Variants in DUS3L observed in about 807,000 individuals in gnomAD.
DUS3L encodes the protein tRNA-dihydrouridine(47) synthase [NAD(P)(+)]-like.
A neutral mutation model predicts 74.6 loss-of-function variants in DUS3L; 62 were observed. The ratio of observed to expected loss-of-function variants is 0.83; its 90% confidence interval spans 0.68 to 1.03. The LOEUF is 1.03. DUS3L is among the 50% of genes least tolerant of loss of function. The pLI is 0.00. For missense variants in DUS3L, 884 were observed against 924.4 expected, an observed-to-expected ratio of 0.96 and a Z score of 0.57; for synonymous variants, 433 against 395.7, an observed-to-expected ratio of 1.09 and a Z score of -1.12.
intron 1 of DUS3L, 127 bp from the exon 2 acceptor site, chr19:5,790,462 C>A (rs539172537): frequency 1.4e-3 from 1,578 of 1,165,246 alleles, no homozygotes; most frequent in Non-Finnish European, 1.5e-3. Context: ...TAAGAACCAG[C>A]CAGCTCCCAG....
intron 2 of DUS3L, 115 bp downstream of exon 2, chr19:5,789,932 G>A: frequency 7.0e-7 from 1 of 1,429,020 alleles, no homozygotes; most frequent in Non-Finnish European, 9.5e-7. Context: ...TGGCATCAGA[G>A]CAAGCTCACT....
chr19:5,785,829 G>A, intron 10 of DUS3L, 38 bp from the exon 11 acceptor site: 1 of 1,528,044 alleles, frequency 6.5e-7, no homozygotes, highest in Non-Finnish European at 8.8e-7. Context: ...CCAGCCACCA[G>A]CCTGCCTGGG....
chr19:5,788,008 C>G lies in DUS3L; in HGVS notation c.1095+16G>C, dbSNP rs376448715. The stretch of plus-strand genomic sequence containing the variant: ...GAGGGCCCCTCCACTCTCCCTCCCT[C>G]GGGGTGGGCACTGACCTGGACGCCA... On this transcript the variant is annotated intron_variant, in intron 5 of 12. Coordinates refer to ENST00000309061, the MANE Select transcript of DUS3L (RefSeq NM_020175.3). 3 of 1,610,966 alleles carry G rather than the reference C, an allele frequency of 1.9e-6. No individual in the cohort carries two copies. The African/African-American group carries it at 4.0e-5, about 22-fold the overall frequency.
In DUS3L at chr19:5,790,128, C is replaced by T. The variant is rs1456087247; in HGVS notation, c.306G>A (p.Arg102=). 1 of 1,614,022 alleles carries T rather than the reference C, an allele frequency of 6.2e-7. No individual in the cohort carries two copies. Among genetic ancestry groups the T allele is most frequent in the African/African-American group, 1.3e-5 (1 of 74,910 alleles). The change falls in exon 2 of 13, where the codon AGG becomes AGA. Residue 102 remains arginine, a synonymous_variant. Coordinates refer to ENST00000309061, the MANE Select transcript of DUS3L (RefSeq NM_020175.3). ...EPGEQLQTQK[R]ARGQNKGRPH... ...GCCGGCCCTTGTTTTGTCCCCGGGCCCTCTTCTGAGTCTGTAGCTGCTCCC... is the reference window on the plus strand; with the variant it reads ...GCCGGCCCTTGTTTTGTCCCCGGGCTCTCTTCTGAGTCTGTAGCTGCTCCC...
At chr19:5,788,696 T>G (rs987530776) in intron 3 of DUS3L, among the ~76,000 whole-genome samples, 5 of 149,538 alleles carry the variant, frequency 3.3e-5, no homozygotes, top group Admixed American at 2.0e-4. Context: ...ACTTAGAGTG[T>G]GTCCAGCTCT....
intron 5 of DUS3L, 121 bp downstream of exon 5, chr19:5,787,903 C>T: frequency 4.0e-6 from 6 of 1,483,102 alleles, no homozygotes; most frequent in Non-Finnish European, 4.5e-6. Flanking sequence ...CAGGGCATCA[C>T]CCCCACTCCA....
rs930913571 is a variant in DUS3L at position 5,789,630 on chromosome 19, G to A, written c.477C>T (p.Gly159=). 2 of 1,603,644 alleles carry A rather than the reference G, an allele frequency of 1.2e-6. No individual in the cohort carries two copies. The highest frequency in any genetic ancestry group is 1.7e-5 in the Admixed American group (1 of 58,152). ...AGGTCTCGAAGAGCACGCAGCGGGG[G>A]CCCAGGTCGGCCGGCTTGGTCTCCA... ...RYLETKPADL[G]PRCVLFETFG... The change falls in exon 3 of 13, where the codon GGC becomes GGT. Residue 159 remains glycine, a synonymous_variant. Transcript: ENST00000309061.
At chr19:5,788,575 G>A (rs893792840) in intron 3 of DUS3L, among the ~76,000 whole-genome samples, 177 bp from the exon 4 acceptor site, 1 of 152,000 alleles carries the variant, frequency 6.6e-6, no homozygotes, top group East Asian at 1.9e-4. Flanking sequence ...TTTCCTCATC[G>A]TCTCCTCCAC....
At chr19:5,787,998 C>A in intron 5 of DUS3L, 26 bp downstream of exon 5, 1 of 1,609,426 alleles carries the variant, frequency 6.2e-7, no homozygotes. Flanking sequence ...CCCCTCCACT[C>A]TCCCTCCCTC....
In DUS3L at chr19:5,789,463, T is replaced by C. The variant is rs760544411; in HGVS notation, c.644A>G (p.Gln215Arg). 1 of 1,602,762 alleles carries C rather than the reference T, an allele frequency of 6.2e-7. No homozygotes were observed. The highest frequency in any genetic ancestry group is 1.1e-5 in the South Asian group (1 of 90,724). ...GACCTCGCGCTTCCGCAGCTGCTGC[T>C]GCAGGGCTTTGTCCAGGCCGTTGCG... Reference protein sequence around the residue: ...SIRNGLDKALQQQLRKREVRF... With the variant: ...SIRNGLDKALRQQLRKREVRF... The change falls in exon 3 of 13, where the codon CAG (glutamine) becomes CGG (arginine). Residue 215 changes from glutamine (Q) to arginine (R), a missense_variant. Transcript: ENST00000309061.
chr19:5,786,019 G>C (rs928961359), intron 10 of DUS3L: 7 of 547,048 alleles, frequency 1.3e-5, no homozygotes, highest in South Asian at 5.2e-5. Context: ...GTAAGATCTC[G>C]GCTCACTGTT....
In DUS3L at chr19:5,789,256, G is replaced by C; in HGVS notation, c.851C>G (p.Pro284Arg). 2.5e-6 allele frequency: 4 copies of C among 1,571,268 alleles called. No individual in the cohort carries two copies. The highest frequency in any genetic ancestry group is 3.4e-6 in the Non-Finnish European group (4 of 1,161,646). ...PPSSPVRTCGPLTDEDVVRLR... is the reference protein window; with the variant it reads ...PPSSPVRTCGRLTDEDVVRLR... ...CCTGACCACGTCCTCATCCGTCAGG[G>C]GCCCGCAGGTCCGCACGGGGCTGCT... The change falls in exon 3 of 13, where the codon CCC (proline) becomes CGC (arginine). Residue 284 changes from proline to arginine, a missense_variant. Coordinates refer to ENST00000309061, the MANE Select transcript of DUS3L (RefSeq NM_020175.3).
intron 11 of DUS3L, 23 bp from the exon 12 acceptor site, chr19:5,785,534 A>G (rs774700402): frequency 1.2e-5 from 19 of 1,541,078 alleles, no homozygotes; most frequent in Middle Eastern, 2.0e-4. Context: ...GGCGGGCAGG[A>G]CAGGCTTGAG....
intron 3 of DUS3L, 77 bp downstream of exon 3, chr19:5,789,112 CCAGGCAGCTAGAACAGGA>C (rs1283200618): frequency 6.8e-7 from 1 of 1,473,036 alleles, no homozygotes; most frequent in East Asian, 2.5e-5. Flanking sequence ...CCTCTGACTC[CCAGGCAGCTAGAACAGGA>C]ACGTGGACAC....
At chr19:5,790,452 T>A in intron 1 of DUS3L, 117 bp from the exon 2 acceptor site, 3 of 1,291,276 alleles carry the variant, frequency 2.3e-6, no homozygotes, top group Non-Finnish European at 3.2e-6. Flanking sequence ...GCTCACTACT[T>A]AAGAACCAGC....
At chr19:5,787,224 G>GGTGGGAGGTC (rs2056860573) in intron 7 of DUS3L, 53 bp from the exon 8 acceptor site, 1 of 1,080,216 alleles carries the variant, frequency 9.3e-7, no homozygotes, top group Non-Finnish European at 1.4e-6. Context: ...GGTGGGAGAC[G>GGTGGGAGGTC]GTGGGAGGTG....
Position 5,786,806 on chromosome 19 carries a change from C to G in DUS3L, c.1429G>C (p.Ala477Pro). The change falls in exon 9 of 13, where the codon GCC becomes CCC. Residue 477 changes from alanine to proline, a missense_variant. Coordinates refer to ENST00000309061, the MANE Select transcript of DUS3L (RefSeq NM_020175.3). The part of the protein sequence containing the change: ...RSREQRYTKL[A>P]DWQYIEECVQ... ...CACTCCTCGATGTACTGCCAGTCGG[C>G]TAGCTTGGTGTAGCGCTGCTCCCGA... The G allele has an allele frequency of 6.2e-7, 1 of 1,611,968 alleles. No homozygotes were observed. Among genetic ancestry groups the G allele is most frequent in the Non-Finnish European group, 8.5e-7 (1 of 1,179,792 alleles).
rs777857356 is a variant in DUS3L at position 5,786,453 on chromosome 19, C to T, written c.1562+14G>A. The T allele has an allele frequency of 2.5e-6, 4 of 1,611,930 alleles. No homozygotes were observed. In the East Asian group the frequency reaches 8.9e-5, roughly 36 times the overall value. On this transcript the variant is annotated intron_variant, in intron 10 of 12. Coordinates refer to ENST00000309061, the MANE Select transcript of DUS3L (RefSeq NM_020175.3). The stretch of plus-strand genomic sequence containing the variant: ...GTGCATGAAGCTGGATCTCTAACAT[C>T]CCTGGGCACTTACCGGGCAATCATG...
intron 2 of DUS3L, 64 bp from the exon 3 acceptor site, chr19:5,789,783 G>C: frequency 1.3e-6 from 2 of 1,544,180 alleles, no homozygotes; most frequent in Non-Finnish European, 1.7e-6. Flanking sequence ...CAGCAGCCAG[G>C]GTTCAAACTC....
Sources: gnomAD v4.1 joint callset for allele counts (sites outside exome capture counted in the v4.1 genomes callset) on GRCh38, gnomAD v4.1.1 for gene constraint, MANE v1.5 for transcripts, NCBI Gene and HGNC (gene_info 2026-07-23, HGNC 2026-07-21) for gene names.